The following ADGRB1 variants were observed in gnomAD, a reference collection of about 807,000 sequenced individuals.
ADGRB1 encodes adhesion G protein-coupled receptor B1.
In ADGRB1, 36 loss-of-function variants were observed where a neutral mutation model predicts 175.7. That is an observed-to-expected ratio of 0.20 (90% CI 0.16 to 0.27). The LOEUF (loss-of-function observed/expected upper bound fraction) is 0.27. Ranked by LOEUF, ADGRB1 falls within the 10% of genes least tolerant of loss-of-function variation. ADGRB1 has a pLI of 1.00. For synonymous variants in ADGRB1, 1,054 were observed against 979.4 expected, an observed-to-expected ratio of 1.08 and a Z score of -1.42; for missense variants, 1,731 against 2,255.3, an observed-to-expected ratio of 0.77 and a Z score of 4.71.
At chr8:142,529,886 A>G (rs372572714) in intron 24 of ADGRB1, among the ~76,000 whole-genome samples, 5 of 109,536 alleles carry the variant, frequency 4.6e-5, no homozygotes, top group Admixed American at 9.8e-5. Flanking sequence ...ATACATGTGA[A>G]CGTGCATCTG....
intron 18 of ADGRB1, among the ~76,000 whole-genome samples, chr8:142,516,662 T>G (rs1407840959): frequency 1.3e-4 from 17 of 126,666 alleles, no homozygotes; most frequent in Non-Finnish European, 2.5e-4. Context: ...TGTGTGTGTG[T>G]GGGTCCCAGG....
rs78040993 is a variant in ADGRB1 at position 142,511,811 on chromosome 8, G to C, written c.2817+738G>C. On this transcript the variant is annotated intron_variant, in intron 18 of 30. Coordinates refer to ENST00000517894, the MANE Select transcript of ADGRB1 (RefSeq NM_001702.3). This position sits in a 1 kb window ranked among gnomAD's most constrained non-coding sequence, Gnocchi z 4.5. ...ACAGCCCTCTACTGGGGCCCAGGCCGAGGCCCAGGACAGCCCACAGAGCAG... is the reference window on the plus strand; with the variant it reads ...ACAGCCCTCTACTGGGGCCCAGGCCCAGGCCCAGGACAGCCCACAGAGCAG... 0.067 allele frequency among the ~76,000 whole-genome samples: 10,198 copies of C among 152,276 alleles called. 1,049 individuals carry two copies. Among genetic ancestry groups the C allele is most frequent in the African/African-American group, 0.23 (9,361 of 41,524 alleles).
chr8:142,533,763 C>T (rs1443761203), intron 25 of ADGRB1, among the ~76,000 whole-genome samples: 1 of 152,198 alleles, frequency 6.6e-6, no homozygotes, highest in African/African-American at 2.4e-5. Context: ...CTCAAGGGGC[C>T]TACAGGAGTG....
At chr8:142,524,174 C>T (rs547367661) in intron 22 of ADGRB1, 64 bp from the exon 23 acceptor site, 62 of 1,528,166 alleles carry the variant, frequency 4.1e-5, no homozygotes, top group African/African-American at 1.8e-4. Flanking sequence ...CCTGAGAGGC[C>T]GGCAGCACCT....
chr8:142,517,815 G>A (rs966606607), intron 18 of ADGRB1, among the ~76,000 whole-genome samples: 9 of 152,322 alleles, frequency 5.9e-5, no homozygotes, highest in African/African-American at 1.9e-4. Context: ...GCAGTGTGGG[G>A]CTGGCGCCTG....
In ADGRB1 at chr8:142,544,442, G is replaced by A; in HGVS notation, c.*25G>A. On this transcript the variant is annotated 3_prime_UTR_variant, in exon 31 of 31. Coordinates refer to ENST00000517894, the MANE Select transcript of ADGRB1 (RefSeq NM_001702.3). Reference sequence around the variant, plus strand: ...AGCGGGTGGGCGGCGGCCACGCACTGGGCCACGGAGGAGGGATGCTGCTCC... The same window carrying A: ...AGCGGGTGGGCGGCGGCCACGCACTAGGCCACGGAGGAGGGATGCTGCTCC... 1 of 1,447,834 alleles carries A rather than the reference G, an allele frequency of 6.9e-7. No homozygotes were observed. The highest frequency in any genetic ancestry group is 9.1e-7 in the Non-Finnish European group (1 of 1,101,606). The allele number at this position is 1,447,834 out of a possible 1,614,324, so 89.7% of individuals were successfully genotyped here.
At chr8:142,450,362 G>A (rs1022478520) in intron 1 of ADGRB1, among the ~76,000 whole-genome samples, 1 of 152,000 alleles carries the variant, frequency 6.6e-6, no homozygotes, top group African/African-American at 2.4e-5. Flanking sequence ...AGGAGGGGGC[G>A]ACCCTGGACG....
In ADGRB1 at chr8:142,501,339, G is replaced by A. The variant is rs531788654; in HGVS notation, c.2676-9593G>A. On this transcript the variant is annotated intron_variant, in intron 17 of 30. Coordinates refer to ENST00000517894, the MANE Select transcript of ADGRB1 (RefSeq NM_001702.3). ...TGGTTTTGATGATGACGGTGGTGGT[G>A]GTGGTCGTGGTCATAGTGATGGTGG... 1.5e-4 allele frequency among the ~76,000 whole-genome samples: 21 copies of A among 142,974 alleles called. No individual in the cohort carries two copies. The South Asian group carries it at 4.7e-3, about 32-fold the overall frequency. The allele number at this position is 142,974 out of a possible 152,430, so 93.8% of individuals were successfully genotyped here.
chr8:142,495,939 A>G, intron 17 of ADGRB1, among the ~76,000 whole-genome samples: 3 of 135,934 alleles, frequency 2.2e-5, no homozygotes, highest in Non-Finnish European at 3.2e-5. Flanking sequence ...GGGTGGATGG[A>G]TAGGTGGGTG....
chr8:142,467,831 T>A (rs1840362512), intron 2 of ADGRB1, among the ~76,000 whole-genome samples: 1 of 152,240 alleles, frequency 6.6e-6, no homozygotes, highest in Non-Finnish European at 1.5e-5. Flanking sequence ...TTTCTTAGAT[T>A]GCCCTGATGA....
In ADGRB1 at chr8:142,539,424, G is replaced by A. The variant is rs775848060; in HGVS notation, c.3706+11G>A. On this transcript the variant is annotated intron_variant, in intron 27 of 30. Transcript: ENST00000517894. Reference sequence around the variant, plus strand: ...TGGCCTGTAGATCAGGTGAGCGCCCGACAGGTGAGAGGACAGTGCCAGCCC... The same window carrying A: ...TGGCCTGTAGATCAGGTGAGCGCCCAACAGGTGAGAGGACAGTGCCAGCCC... The A allele has an allele frequency of 1.4e-5, 23 of 1,600,676 alleles. No individual in the cohort carries two copies. The highest frequency in any genetic ancestry group is 1.9e-5 in the Non-Finnish European group (22 of 1,174,462).
intron 20 of ADGRB1, 56 bp from the exon 21 acceptor site, chr8:142,521,909 C>A: frequency 6.5e-7 from 1 of 1,533,024 alleles, no homozygotes; most frequent in South Asian, 1.2e-5. Context: ...TCAGTGGGGA[C>A]AGGTGTGGGG....
At chr8:142,483,955 C>A in intron 11 of ADGRB1, 22 bp from the exon 12 acceptor site, 1 of 1,612,676 alleles carries the variant, frequency 6.2e-7, no homozygotes, top group Non-Finnish European at 8.5e-7. Flanking sequence ...CTGTCACTGG[C>A]CCTTCTTCCT....
chr8:142,535,652 G>A (rs575480566), intron 25 of ADGRB1, among the ~76,000 whole-genome samples: 109 of 152,290 alleles, frequency 7.2e-4, no homozygotes, highest in African/African-American at 2.4e-3. Context: ...TCAGTCCCTC[G>A]TCTGCCCATG....
Position 142,511,455 on chromosome 8 carries a change from T to C in ADGRB1, c.2817+382T>C, listed in dbSNP as rs1263838637. 6.6e-6 allele frequency among the ~76,000 whole-genome samples: 1 copy of C among 151,954 alleles called. No homozygotes were observed. The highest frequency in any genetic ancestry group is 1.5e-5 in the Non-Finnish European group (1 of 67,942). Reference sequence around the variant, plus strand: ...GTGGAGGGGCTACCCTTTCCCTTGGTCCTCTCCGCCTGCCAGGGAGAGGGA... The same window carrying C: ...GTGGAGGGGCTACCCTTTCCCTTGGCCCTCTCCGCCTGCCAGGGAGAGGGA... On this transcript the variant is annotated intron_variant, in intron 18 of 30. Transcript: ENST00000517894. The surrounding 1 kb of genome is among the most constrained non-coding windows in gnomAD (Gnocchi z 4.5).
At chr8:142,541,773 G>T (rs1845284427) in intron 27 of ADGRB1, among the ~76,000 whole-genome samples, 168 bp from the exon 28 acceptor site, 1 of 152,158 alleles carries the variant, frequency 6.6e-6, no homozygotes, top group Non-Finnish European at 1.5e-5. Context: ...CTTGGGTAGG[G>T]TGGTACCTGC....
Position 142,516,236 on chromosome 8 carries a change from TG to T in ADGRB1, c.2818-1901del, listed in dbSNP as rs1364009654. Among the ~76,000 whole-genome samples, 131 of 142,420 alleles carry T rather than the reference TG, an allele frequency of 9.2e-4. 1 individual carries two copies. Among genetic ancestry groups the T allele is most frequent in the Non-Finnish European group, 1.7e-3 (111 of 65,784 alleles). The allele number at this position is 142,420 out of a possible 152,430, so 93.4% of individuals were successfully genotyped here. On this transcript the variant is annotated intron_variant, in intron 18 of 30. Coordinates refer to ENST00000517894, the MANE Select transcript of ADGRB1 (RefSeq NM_001702.3). The stretch of plus-strand genomic sequence containing the variant: ...TGTGTGCGGGCCCCAGGTGTGTGTG[TG>T]CGTGTGCGGGCCCCAGGTGCGTGCG...
In ADGRB1 at chr8:142,511,342, C is replaced by A. The variant is rs1462268714; in HGVS notation, c.2817+269C>A. Among the ~76,000 whole-genome samples the A allele has an allele frequency of 1.3e-5, 2 of 152,060 alleles. No homozygotes were observed. The highest frequency in any genetic ancestry group is 2.9e-5 in the Non-Finnish European group (2 of 67,982). On this transcript the variant is annotated intron_variant, in intron 18 of 30. Coordinates refer to ENST00000517894, the MANE Select transcript of ADGRB1 (RefSeq NM_001702.3). The surrounding 1 kb of genome is among the most constrained non-coding windows in gnomAD (Gnocchi z 4.5). ...AGTGGCTGATGGGTGGGTCCCATCT[C>A]CCCTGGCCTTGGAGGCCCGGGATCT...
At chr8:142,454,284 C>T (rs570081578) in intron 1 of ADGRB1, among the ~76,000 whole-genome samples, 47 of 152,316 alleles carry the variant, frequency 3.1e-4, no homozygotes, top group Non-Finnish European at 5.4e-4. Flanking sequence ...AACCAACACA[C>T]ACCCCGGTGT....
Sources: gnomAD v4.1 joint callset for allele counts (sites outside exome capture counted in the v4.1 genomes callset) on GRCh38, gnomAD v4.1.1 for gene constraint, Gnocchi (gnomAD v3.1) non-coding constraint, MANE v1.5 for transcripts, NCBI Gene and HGNC (gene_info 2026-07-23, HGNC 2026-07-21) for gene names.